Variants in CLVS1 observed in about 807,000 individuals in gnomAD.
CLVS1 encodes clavesin 1.
Under a neutral mutation model 33.1 loss-of-function variants are expected in CLVS1, and 10 were observed. That is an observed-to-expected ratio of 0.30 (90% confidence interval 0.19 to 0.51). CLVS1 has a LOEUF of 0.51. Among genes scored for constraint, CLVS1 ranks in the 20% least tolerant of loss-of-function variants. CLVS1 has a pLI of 0.97. For missense variants in CLVS1, 343 were observed against 433.4 expected (o/e 0.79, Z 1.85); for synonymous variants, 163 against 166.1 (o/e 0.98, Z 0.14).
chr8:61,159,294 T>G (rs1406686776), intron 2 of CLVS1, among the ~76,000 whole-genome samples: 6 of 152,226 alleles, frequency 3.9e-5, no homozygotes, highest in Non-Finnish European at 8.8e-5. Flanking sequence ...GGAGGGGCCT[T>G]CTTTTCTACC....
At chr8:61,095,276 A>G (rs528690129) in intron 1 of CLVS1, among the ~76,000 whole-genome samples, 2 of 152,328 alleles carry the variant, frequency 1.3e-5, no homozygotes, top group African/African-American at 4.8e-5. Context: ...TTGGTTTTTT[A>G]GGGGCAGGAG....
chr8:61,467,626 T>G (rs1455993347), intron 5 of CLVS1, among the ~76,000 whole-genome samples: 1 of 152,080 alleles, frequency 6.6e-6, no homozygotes, highest in African/African-American at 2.4e-5. Flanking sequence ...GTACGGACCA[T>G]ATCGAAACTG....
chr8:61,369,909 A>G (rs1167390107), intron 2 of CLVS1, among the ~76,000 whole-genome samples: 4 of 152,236 alleles, frequency 2.6e-5, no homozygotes, highest in African/African-American at 9.6e-5. Flanking sequence ...TGGCTTAGAC[A>G]TCATTATCAG....
intron 2 of CLVS1, among the ~76,000 whole-genome samples, chr8:61,323,583 C>T (rs989518438): frequency 2.6e-5 from 4 of 152,086 alleles, no homozygotes; most frequent in Admixed American, 1.3e-4. Context: ...AGCTCAAAGG[C>T]CATGTTTTGC....
At chr8:61,372,827 T>A (rs184686253) in intron 2 of CLVS1, among the ~76,000 whole-genome samples, 41 of 152,302 alleles carry the variant, frequency 2.7e-4, no homozygotes, top group African/African-American at 9.4e-4. Flanking sequence ...TACTCTTGGG[T>A]TATATTTATT....
chr8:61,303,209 A>G (rs1810499025), intron 2 of CLVS1, among the ~76,000 whole-genome samples: 1 of 152,246 alleles, frequency 6.6e-6, no homozygotes, highest in African/African-American at 2.4e-5. Flanking sequence ...GAAATCAGCC[A>G]TGGTAAAATA....
the CLVS1 span, among the ~76,000 whole-genome samples, chr8:61,007,405 A>T: frequency 6.6e-6 from 1 of 152,192 alleles, no homozygotes; most frequent in African/African-American, 2.4e-5. Flanking sequence ...AGATTTGGCT[A>T]TTTGTAGTAT....
chr8:60,978,740 G>A, the CLVS1 span, among the ~76,000 whole-genome samples: 7 of 150,358 alleles, frequency 4.7e-5, no homozygotes, highest in South Asian at 2.1e-4. Flanking sequence ...GCTTGAACAC[G>A]GGAGGTGGAG....
intron 2 of CLVS1, among the ~76,000 whole-genome samples, chr8:61,162,774 A>T (rs1184526715): frequency 6.6e-6 from 1 of 152,156 alleles, no homozygotes; most frequent in African/African-American, 2.4e-5. Context: ...CATGGGCCTA[A>T]GGCCCTTATA....
intron 2 of CLVS1, among the ~76,000 whole-genome samples, chr8:61,182,611 A>G (rs1807261339): frequency 1.3e-5 from 2 of 152,230 alleles, no homozygotes; most frequent in African/African-American, 4.8e-5. Flanking sequence ...GAGAAATGCA[A>G]ATCAAAACCC....
At chr8:61,080,582 T>A (rs966492057) in intron 1 of CLVS1, among the ~76,000 whole-genome samples, 8 of 152,236 alleles carry the variant, frequency 5.3e-5, no homozygotes, top group Non-Finnish European at 7.3e-5. Context: ...CCATAATGAA[T>A]GGGCTAAAAC....
chr8:60,975,471 C>G, the CLVS1 span, among the ~76,000 whole-genome samples: 4 of 152,066 alleles, frequency 2.6e-5, no homozygotes, highest in African/African-American at 9.7e-5. Flanking sequence ...AACTGGCAAA[C>G]AGACACACAG....
At chr8:61,214,459 T>C (rs1402385370) in intron 2 of CLVS1, among the ~76,000 whole-genome samples, 14 of 151,910 alleles carry the variant, frequency 9.2e-5, no homozygotes, top group Admixed American at 8.5e-4. Context: ...TTAAGGAAAA[T>C]AGAAAAGAAC....
At chr8:61,358,442 A>C (rs1812834694) in intron 2 of CLVS1, among the ~76,000 whole-genome samples, 1 of 152,146 alleles carries the variant, frequency 6.6e-6, no homozygotes, top group Non-Finnish European at 1.5e-5. Context: ...GGCTTAGTCG[A>C]TTTTATTCTA....
At chr8:61,088,853 G>A (rs1268400246) in intron 1 of CLVS1, among the ~76,000 whole-genome samples, 1 of 150,672 alleles carries the variant, frequency 6.6e-6, no homozygotes, top group African/African-American at 2.5e-5. Context: ...CCAGGCTGGA[G>A]TGCAGTGGAG....
chr8:61,403,513 A>T (rs1224675225), intron 3 of CLVS1, among the ~76,000 whole-genome samples: 2 of 152,290 alleles, frequency 1.3e-5, no homozygotes, highest in Admixed American at 1.3e-4. Context: ...TGAGATTGGG[A>T]TGGAAACAGT....
chr8:61,254,782 G>A (rs145747147), intron 2 of CLVS1, among the ~76,000 whole-genome samples: 2 of 152,314 alleles, frequency 1.3e-5, no homozygotes, highest in East Asian at 3.9e-4. Flanking sequence ...TGCAGTATTA[G>A]GGTGGGACTG....
Position 61,499,137 on chromosome 8 carries a change from C to T in CLVS1, c.978-318C>T, listed in dbSNP as rs140555754. Among the ~76,000 whole-genome samples, 17 of 152,138 alleles carry T rather than the reference C, an allele frequency of 1.1e-4. No homozygotes were observed. In the East Asian group the frequency reaches 2.7e-3, roughly 24 times the overall value. ...AAAAGAAGTAAGAAAAACAGAGATA[C>T]GAAAGGGAATATATTATGTAGTTAT... On this transcript the variant is annotated intron_variant, in intron 5 of 5. Transcript: ENST00000325897.
the CLVS1 span, among the ~76,000 whole-genome samples, chr8:61,045,964 T>C: frequency 6.6e-6 from 1 of 152,354 alleles, no homozygotes; most frequent in Admixed American, 6.5e-5. Flanking sequence ...TGGTAGTTTC[T>C]TTTGCTGTGC....
Sources: gnomAD v4.1 joint callset for allele counts (sites outside exome capture counted in the v4.1 genomes callset) on GRCh38, gnomAD v4.1.1 for gene constraint, MANE v1.5 for transcripts, NCBI Gene and HGNC (gene_info 2026-07-23, HGNC 2026-07-21) for gene names.